DGKB: variants seen among roughly 807,000 people sequenced by gnomAD.
The protein encoded by DGKB is diacylglycerol kinase beta.
In DGKB, 67 loss-of-function variants were observed where a neutral mutation model predicts 114.3. The ratio of observed to expected loss-of-function variants is 0.59; its 90% CI spans 0.48 to 0.72. The LOEUF (loss-of-function observed/expected upper bound fraction) is 0.72, where lower values mean the gene tolerates loss of function less well. DGKB is among the 30% of genes least tolerant of loss of function. DGKB has a pLI of 0.00. For missense variants in DGKB, 907 were observed against 975.2 expected (o/e 0.93, Z 0.93); for synonymous variants, 398 against 323.1 (o/e 1.23, Z -2.49).
chr7:14,353,141 T>C (rs1435475957), intron 21 of DGKB, among the ~76,000 whole-genome samples: 1 of 151,836 alleles, frequency 6.6e-6, no homozygotes, highest in African/African-American at 2.4e-5. Flanking sequence ...CTAGCTTTTT[T>C]CCCAAATGTC....
upstream of DGKB, among the ~76,000 whole-genome samples, chr7:14,904,603 T>C (rs1783575433): frequency 6.6e-6 from 1 of 152,200 alleles, no homozygotes. Flanking sequence ...AATATCAATT[T>C]GCCAAAGCCA....
At chr7:14,873,753 T>C (rs1305699378) in intron 1 of DGKB, among the ~76,000 whole-genome samples, 1 of 152,008 alleles carries the variant, frequency 6.6e-6, no homozygotes, top group Admixed American at 6.6e-5. Flanking sequence ...GTTGCCCTTA[T>C]ATTCCAAAAT....
chr7:14,523,189 C>T (rs1181260583), intron 20 of DGKB, among the ~76,000 whole-genome samples: 2 of 152,114 alleles, frequency 1.3e-5, no homozygotes, highest in Non-Finnish European at 2.9e-5. Flanking sequence ...AATAACTTCT[C>T]TTTGAAAGCA....
At chr7:14,341,817 G>GTTGA (rs1335715195) in intron 22 of DGKB, among the ~76,000 whole-genome samples, 1 of 151,858 alleles carries the variant, frequency 6.6e-6, no homozygotes, top group Non-Finnish European at 1.5e-5. Context: ...TAACATGTCA[G>GTTGA]TTGATAGGAC....
chr7:14,462,057 C>T (rs1331628357), intron 21 of DGKB, among the ~76,000 whole-genome samples: 1 of 152,098 alleles, frequency 6.6e-6, no homozygotes, highest in Non-Finnish European at 1.5e-5. Context: ...ATTCAACAGC[C>T]CTTCACGCTA....
intron 1 of DGKB, among the ~76,000 whole-genome samples, chr7:14,892,938 A>C (rs912486076): frequency 2.0e-5 from 3 of 150,048 alleles, no homozygotes; most frequent in African/African-American, 7.3e-5. Flanking sequence ...CTATGTGTAT[A>C]TATACACACA....
At chr7:14,968,512 G>T (rs1468301562) in intron 1 of DGKB, among the ~76,000 whole-genome samples, 1 of 152,102 alleles carries the variant, frequency 6.6e-6, no homozygotes, top group Non-Finnish European at 1.5e-5. Context: ...AATCCCAACT[G>T]TCTTTTCCCA....
intron 23 of DGKB, among the ~76,000 whole-genome samples, chr7:14,229,450 C>G (rs1791372809): frequency 2.0e-5 from 3 of 151,856 alleles, no homozygotes; most frequent in Admixed American, 6.6e-5. Context: ...AGAAAAAGTA[C>G]AGTAAGAATA....
intron 21 of DGKB, among the ~76,000 whole-genome samples, chr7:14,368,669 A>G (rs1817116901): frequency 6.6e-6 from 1 of 152,142 alleles, no homozygotes; most frequent in Non-Finnish European, 1.5e-5. Flanking sequence ...AAACACTACG[A>G]CAAAGTTACT....
intron 1 of DGKB, among the ~76,000 whole-genome samples, chr7:14,860,174 A>C (rs1019453528): frequency 6.6e-6 from 1 of 152,162 alleles, no homozygotes; most frequent in Non-Finnish European, 1.5e-5. Context: ...TTGACTAAAA[A>C]GGACAGCATA....
intron 2 of DGKB, among the ~76,000 whole-genome samples, chr7:14,769,106 AAAGAAAGAAAGAAAGAAAGAG>A (rs1836920612): frequency 1.5e-5 from 2 of 131,758 alleles, no homozygotes; most frequent in African/African-American, 3.1e-5. Context: ...AGAAAGAAAG[AAAGAAAGAAAGAAAGAAAGAG>A]AGAGAGAGAA....
In DGKB at chr7:14,540,323, T is replaced by A. The variant is rs183696176; in HGVS notation, c.1770+33889A>T. 1.7e-3 allele frequency among the ~76,000 whole-genome samples: 253 copies of A among 152,198 alleles called. 1 individual carries two copies. The highest frequency in any genetic ancestry group is 5.8e-3 in the African/African-American group (243 of 41,560). On this transcript the variant is annotated intron_variant, in intron 20 of 25. Transcript: ENST00000402815. Reference sequence around the variant, plus strand: ...TGCCTTTGGCAAAAATAATAATAATTTATATTGTAAACATTGTATTATGTA... The same window carrying A: ...TGCCTTTGGCAAAAATAATAATAATATATATTGTAAACATTGTATTATGTA...
Position 14,783,982 on chromosome 7 carries a change from T to C in DGKB, c.71-26251A>G, listed in dbSNP as rs141508770. On this transcript the variant is annotated intron_variant, in intron 2 of 25. Coordinates refer to ENST00000402815, the MANE Select transcript of DGKB (RefSeq NM_001350709.2). ...TGAGGAAATTTTCTTGTTTTCCTGGTTTACAAAGAATTACAAGAATCATAA... is the reference window on the plus strand; with the variant it reads ...TGAGGAAATTTTCTTGTTTTCCTGGCTTACAAAGAATTACAAGAATCATAA... Among the ~76,000 whole-genome samples, 1,272 of 152,300 alleles carry C rather than the reference T, an allele frequency of 8.4e-3. 12 individuals are homozygous for C. The highest frequency in any genetic ancestry group is 0.028 in the African/African-American group (1,172 of 41,572).
At chr7:14,825,747 T>C (rs1205052575) in intron 2 of DGKB, among the ~76,000 whole-genome samples, 1 of 152,180 alleles carries the variant, frequency 6.6e-6, no homozygotes, top group African/African-American at 2.4e-5. Flanking sequence ...AACTAAGCTC[T>C]CCATAAATAC....
At chr7:14,568,968 T>C (rs1797987124) in intron 20 of DGKB, among the ~76,000 whole-genome samples, 2 of 152,210 alleles carry the variant, frequency 1.3e-5, no homozygotes, top group Admixed American at 6.5e-5. Context: ...TTTCATGCTG[T>C]TATAGCATAA....
At chr7:14,945,964 T>C (rs922523533) in intron 1 of DGKB, among the ~76,000 whole-genome samples, 1 of 151,632 alleles carries the variant, frequency 6.6e-6, no homozygotes, top group Admixed American at 6.6e-5. Flanking sequence ...GGAGAATATT[T>C]CATTACTAAT....
intron 23 of DGKB, among the ~76,000 whole-genome samples, chr7:14,189,072 T>C (rs1053826179): frequency 6.6e-6 from 1 of 152,166 alleles, no homozygotes; most frequent in South Asian, 2.1e-4. Context: ...CCATAATTAC[T>C]AACAGGAAAA....
chr7:14,741,698 A>G (rs1476262145), intron 4 of DGKB, among the ~76,000 whole-genome samples: 1 of 152,102 alleles, frequency 6.6e-6, no homozygotes, highest in Non-Finnish European at 1.5e-5. Context: ...TTTTGTAAAA[A>G]CTGCTTACCA....
chr7:14,359,975 A>C (rs1815373131), intron 21 of DGKB, among the ~76,000 whole-genome samples: 1 of 152,102 alleles, frequency 6.6e-6, no homozygotes, highest in Non-Finnish European at 1.5e-5. Context: ...TATATACCCA[A>C]AGGATTATAA....
Sources: allele counts gnomAD v4.1 joint callset (sites outside exome capture counted in the v4.1 genomes callset), GRCh38; gene constraint gnomAD v4.1.1; transcripts MANE v1.5; gene names NCBI Gene and HGNC (gene_info 2026-07-23, HGNC 2026-07-21).